The following DSCAM variants were observed in gnomAD, a reference collection of about 807,000 sequenced individuals.
The protein encoded by DSCAM is cell adhesion molecule DSCAM.
A neutral mutation model predicts 217.7 loss-of-function variants in DSCAM; 47 were observed. That is an observed-to-expected ratio of 0.22 (90% CI 0.17 to 0.28). The LOEUF is 0.28. DSCAM is among the 10% of genes least tolerant of loss of function. The pLI, the probability that DSCAM is intolerant of heterozygous loss-of-function variation, is 1.00. For missense variants in DSCAM, 2,080 were observed against 2,618.3 expected, an observed-to-expected ratio of 0.79 and a Z score of 4.49; for synonymous variants, 1,056 against 1,015.3, an observed-to-expected ratio of 1.04 and a Z score of -0.76.
At chr21:40,040,571 C>A (rs9983282) in intron 32 of DSCAM, among the ~76,000 whole-genome samples, 29,223 of 136,012 alleles carry the variant, frequency 0.21, 2,887 homozygotes, top group Middle Eastern at 0.29. Context: ...TCAGTGGTCA[C>A]TGGAGAAAAA....
intron 3 of DSCAM, among the ~76,000 whole-genome samples, chr21:40,521,850 A>G (rs1021321366): frequency 6.6e-6 from 1 of 152,104 alleles, no homozygotes; most frequent in Non-Finnish European, 1.5e-5. Flanking sequence ...GTCATAGAGG[A>G]TTTTGTATGT....
Position 40,422,475 on chromosome 21 carries a change from A to T in DSCAM, c.509-53230T>A, listed in dbSNP as rs368810426. 5.7e-3 allele frequency among the ~76,000 whole-genome samples: 870 copies of T among 151,502 alleles called. 11 individuals are homozygous for T. Among genetic ancestry groups the T allele is most frequent in the African/African-American group, 0.017 (715 of 41,268 alleles). On this transcript the variant is annotated intron_variant, in intron 3 of 32. Coordinates refer to ENST00000400454, the MANE Select transcript of DSCAM (RefSeq NM_001389.5). ...TGAAACTCCATCTCTACTAAAAAAA[A>T]ATATATATATACAAAAATTAGCCGG...
chr21:40,240,976 C>T (rs1473527962), intron 11 of DSCAM, among the ~76,000 whole-genome samples: 2 of 152,078 alleles, frequency 1.3e-5, no homozygotes, highest in African/African-American at 4.8e-5. Flanking sequence ...ACACCACACG[C>T]AAAAATCAAC....
intron 10 of DSCAM, among the ~76,000 whole-genome samples, chr21:40,294,830 A>T (rs770903759): frequency 1.1e-4 from 17 of 152,326 alleles, no homozygotes; most frequent in Non-Finnish European, 2.2e-4. Context: ...AGAGACTCTG[A>T]ATAACAGGAT....
chr21:40,087,396 A>G (rs2089547333), intron 21 of DSCAM, 109 bp from the exon 22 acceptor site: 1 of 778,404 alleles, frequency 1.3e-6, no homozygotes, highest in Non-Finnish European at 2.2e-6. Flanking sequence ...TGTGAAGCCA[A>G]TTCACATTAC....
intron 11 of DSCAM, among the ~76,000 whole-genome samples, chr21:40,246,875 T>C (rs2073233300): frequency 6.6e-6 from 1 of 152,062 alleles, no homozygotes; most frequent in Non-Finnish European, 1.5e-5. Context: ...AATGTATTAG[T>C]CCATTTTCAC....
intron 24 of DSCAM, among the ~76,000 whole-genome samples, chr21:40,080,849 C>G (rs551763361): frequency 3.1e-4 from 47 of 152,318 alleles, no homozygotes; most frequent in Admixed American, 5.9e-4. Flanking sequence ...GCAGCCATCC[C>G]ACTATTCTGA....
intron 1 of DSCAM, among the ~76,000 whole-genome samples, chr21:40,774,000 A>T (rs915426014): frequency 6.6e-6 from 1 of 152,216 alleles, no homozygotes; most frequent in Non-Finnish European, 1.5e-5. Flanking sequence ...TATTGGTCCC[A>T]TGGGAAGCTG....
chr21:40,253,601 G>A (rs944608142), intron 11 of DSCAM, among the ~76,000 whole-genome samples: 3 of 152,168 alleles, frequency 2.0e-5, no homozygotes. Flanking sequence ...TGACCTCTGG[G>A]GAAGGAAGAG....
chr21:40,180,704 G>A (rs920422990), intron 14 of DSCAM, among the ~76,000 whole-genome samples: 2 of 152,168 alleles, frequency 1.3e-5, no homozygotes, highest in East Asian at 1.9e-4. Flanking sequence ...CTCTGCCCAG[G>A]CAACATTGAA....
chr21:40,487,417 G>A (rs550949328), intron 3 of DSCAM, among the ~76,000 whole-genome samples: 1 of 152,052 alleles, frequency 6.6e-6, no homozygotes, highest in South Asian at 2.1e-4. Context: ...TTTCACCAGT[G>A]AAGCATACTG....
chr21:40,431,212 C>T (rs1199225347), intron 3 of DSCAM, among the ~76,000 whole-genome samples: 2 of 152,196 alleles, frequency 1.3e-5, no homozygotes, highest in Non-Finnish European at 2.9e-5. Flanking sequence ...GTACAACTGG[C>T]CCCTGAACAA....
intron 1 of DSCAM, among the ~76,000 whole-genome samples, chr21:40,731,088 G>A (rs1274558902): frequency 1.3e-4 from 20 of 152,172 alleles, no homozygotes; most frequent in Non-Finnish European, 1.5e-5. Context: ...CAACAAATAT[G>A]AGCTTCGGTA....
intron 14 of DSCAM, among the ~76,000 whole-genome samples, chr21:40,185,523 G>A (rs1047962044): frequency 3.3e-5 from 5 of 152,180 alleles, no homozygotes; most frequent in Non-Finnish European, 7.4e-5. Context: ...GAGGTCTCCT[G>A]TGTGCTCCCG....
intron 1 of DSCAM, among the ~76,000 whole-genome samples, chr21:40,812,293 T>C (rs1411011657): frequency 2.6e-5 from 4 of 152,206 alleles, no homozygotes; most frequent in Non-Finnish European, 5.9e-5. Context: ...TCCCCTTCCA[T>C]GCAGCAGGTA....
intron 1 of DSCAM, among the ~76,000 whole-genome samples, chr21:40,770,620 C>G (rs1426473398): frequency 3.9e-5 from 6 of 152,224 alleles, no homozygotes; most frequent in Admixed American, 3.3e-4. Context: ...CTACAGCTAA[C>G]ACTCAGCACC....
At chr21:40,569,850 G>A (rs1387678610) in intron 3 of DSCAM, among the ~76,000 whole-genome samples, 1 of 151,790 alleles carries the variant, frequency 6.6e-6, no homozygotes, top group African/African-American at 2.4e-5. Flanking sequence ...GATGTCAAGA[G>A]AGCAAAATAT....
At chr21:40,801,770 A>G (rs1176173664) in intron 1 of DSCAM, among the ~76,000 whole-genome samples, 1 of 152,214 alleles carries the variant, frequency 6.6e-6, no homozygotes, top group Non-Finnish European at 1.5e-5. Flanking sequence ...GGCAGCATGC[A>G]TGTGGTGCTA....
chr21:40,731,503 T>G (rs557184786), intron 1 of DSCAM, among the ~76,000 whole-genome samples: 1 of 152,110 alleles, frequency 6.6e-6, no homozygotes, highest in Non-Finnish European at 1.5e-5. Context: ...AGAAATATTT[T>G]TTTTCATGGT....
Sources: allele counts gnomAD v4.1 joint callset (sites outside exome capture counted in the v4.1 genomes callset), GRCh38; gene constraint gnomAD v4.1.1; transcripts MANE v1.5; gene names NCBI Gene and HGNC (gene_info 2026-07-23, HGNC 2026-07-21).